The following CD163L1 variants were observed in gnomAD, a reference collection of about 807,000 sequenced individuals.
The protein encoded by CD163L1 is CD163 molecule like 1.
Under a neutral mutation model 165.4 loss-of-function variants are expected in CD163L1, and 124 were observed. The observed-to-expected ratio is 0.75, with a 90% CI of 0.65 to 0.87. The LOEUF (loss-of-function observed/expected upper bound fraction) is 0.87. Ranked by LOEUF, CD163L1 falls within the 40% of genes least tolerant of loss-of-function variation. The probability of loss-of-function intolerance (pLI) is 0.00; values close to 1 mark genes in which losing one functional copy is unlikely to be tolerated. For missense variants in CD163L1, 1,525 were observed against 1,799.9 expected (o/e 0.85, Z 2.76); for synonymous variants, 585 against 662.2 (o/e 0.88, Z 1.79).
intron 7 of CD163L1, among the ~76,000 whole-genome samples, chr12:7,397,452 G>A (rs1002671045): frequency 7.2e-5 from 11 of 152,308 alleles, no homozygotes; most frequent in Non-Finnish European, 1.5e-4. Flanking sequence ...CTGTCTAAGT[G>A]AGGGATTTAA....
intron 2 of CD163L1, among the ~76,000 whole-genome samples, chr12:7,437,692 CTG>C (rs1948757754): frequency 7.0e-6 from 1 of 142,600 alleles, no homozygotes; most frequent in East Asian, 2.0e-4. Context: ...TTTTTTGACA[CTG>C]TATATTTATT....
chr12:7,381,674 G>C (rs1183717120), intron 8 of CD163L1, among the ~76,000 whole-genome samples: 1 of 152,050 alleles, frequency 6.6e-6, no homozygotes, highest in African/African-American at 2.4e-5. Context: ...CTGACGTTTA[G>C]AGAGCTATAA....
chr12:7,415,735 G>A (rs372031551), intron 4 of CD163L1, among the ~76,000 whole-genome samples: 1 of 152,120 alleles, frequency 6.6e-6, no homozygotes, highest in Non-Finnish European at 1.5e-5. Flanking sequence ...CTTCATCCAC[G>A]TCCCTGCAAA....
intron 2 of CD163L1, among the ~76,000 whole-genome samples, chr12:7,437,143 T>TTA (rs989613792): frequency 2.6e-5 from 3 of 113,328 alleles, no homozygotes; most frequent in East Asian, 2.4e-4. Context: ...TTATTTATTA[T>TTA]TTTTATTATA....
At chr12:7,438,666 G>A (rs1948771952) in intron 2 of CD163L1, 2 of 541,482 alleles carry the variant, frequency 3.7e-6, no homozygotes, top group Non-Finnish European at 6.4e-6. Context: ...CTTCATTTAT[G>A]ACCGCCCATG....
At chr12:7,436,489 A>G (rs1202462355) in intron 2 of CD163L1, among the ~76,000 whole-genome samples, 1 of 152,216 alleles carries the variant, frequency 6.6e-6, no homozygotes, top group Non-Finnish European at 1.5e-5. Context: ...ATGTTAATTT[A>G]GCCCAGATGC....
At chr12:7,426,913 T>C (rs1948553251) in intron 4 of CD163L1, among the ~76,000 whole-genome samples, 1 of 152,162 alleles carries the variant, frequency 6.6e-6, no homozygotes, top group Non-Finnish European at 1.5e-5. Flanking sequence ...CCTGTGCTTA[T>C]ATCTGACAAA....
intron 1 of CD163L1, among the ~76,000 whole-genome samples, chr12:7,443,837 T>C (rs1203237145): frequency 2.0e-5 from 3 of 152,232 alleles, no homozygotes; most frequent in African/African-American, 4.8e-5. Flanking sequence ...TTCATATCCT[T>C]GTGTGACTTC....
chr12:7,434,624 C>A (rs1948690570), intron 2 of CD163L1, among the ~76,000 whole-genome samples: 1 of 149,258 alleles, frequency 6.7e-6, no homozygotes. Flanking sequence ...AGCAAGTGAG[C>A]CAAAGGGACA....
downstream of CD163L1, among the ~76,000 whole-genome samples, chr12:7,342,625 A>G (rs1290032735): frequency 6.6e-6 from 1 of 152,102 alleles, no homozygotes; most frequent in Non-Finnish European, 1.5e-5. Flanking sequence ...AATGTTCTAT[A>G]CAGGTTGCAT....
the CD163L1 span, chr12:7,323,559 T>C: frequency 6.2e-7 from 1 of 1,611,126 alleles, no homozygotes; most frequent in African/African-American, 1.3e-5. Context: ...TCTAAATATG[T>C]GGTATGAGGA....
At chr12:7,349,216 A>T (rs1946691874) in intron 4 of CD163L1, among the ~76,000 whole-genome samples, 1 of 152,114 alleles carries the variant, frequency 6.6e-6, no homozygotes, top group Non-Finnish European at 1.5e-5. Flanking sequence ...CATTTACTAA[A>T]CCCTTAATTA....
At chr12:7,333,251 C>T in the CD163L1 span, among the ~76,000 whole-genome samples, 144 of 152,268 alleles carry the variant, frequency 9.5e-4, no homozygotes, top group Non-Finnish European at 1.6e-3. Context: ...TAAAGCACTC[C>T]TCAGCAAATG....
At chr12:7,357,618 A>G (rs1946804961) in intron 18 of CD163L1, 132 bp from the exon 19 acceptor site, 2 of 566,604 alleles carry the variant, frequency 3.5e-6, no homozygotes, top group Admixed American at 3.1e-5. Context: ...ATAAATTAAG[A>G]GCACGCTTAG....
At chr12:7,365,671 A>G (rs1304322721) in intron 18 of CD163L1, among the ~76,000 whole-genome samples, 4 of 152,144 alleles carry the variant, frequency 2.6e-5, no homozygotes, top group Non-Finnish European at 5.9e-5. Flanking sequence ...GCTCAACAAC[A>G]CTAATAATCA....
intron 18 of CD163L1, among the ~76,000 whole-genome samples, chr12:7,365,274 A>G (rs1946989718): frequency 1.3e-5 from 2 of 152,136 alleles, no homozygotes; most frequent in South Asian, 4.1e-4. Context: ...ATAAAAACAG[A>G]TTGAATAACT....
rs763669988 is a variant in CD163L1 at position 7,368,584 on chromosome 12, T to C, written c.4072+349A>G. ...ATTCTGTCACCCAGGCTGAGTGTACTGGCACGATCTCGGCTCACTGCAATC... is the reference window on the plus strand; with the variant it reads ...ATTCTGTCACCCAGGCTGAGTGTACCGGCACGATCTCGGCTCACTGCAATC... On this transcript the variant is annotated intron_variant, in intron 16 of 19. Transcript: ENST00000313599. The surrounding 1 kb of genome is among the most constrained non-coding windows in gnomAD (Gnocchi z 4.3). Among the ~76,000 whole-genome samples the C allele has an allele frequency of 8.6e-5, 13 of 151,298 alleles. No homozygotes were observed. In the East Asian group the frequency reaches 2.5e-3, roughly 29 times the overall value.
intron 2 of CD163L1, among the ~76,000 whole-genome samples, chr12:7,440,870 C>T (rs1157575525): frequency 6.6e-6 from 1 of 152,078 alleles, no homozygotes; most frequent in Admixed American, 6.5e-5. Context: ...CAGGTGATCT[C>T]CCCACCTTGG....
At chr12:7,409,009 A>G (rs1466393466) in intron 4 of CD163L1, among the ~76,000 whole-genome samples, 1 of 152,214 alleles carries the variant, frequency 6.6e-6, no homozygotes, top group African/African-American at 2.4e-5. Flanking sequence ...TTGCTATTGC[A>G]TGTGTATATG....
Sources: gnomAD v4.1 joint callset for allele counts (sites outside exome capture counted in the v4.1 genomes callset) on GRCh38, gnomAD v4.1.1 for gene constraint, Gnocchi (gnomAD v3.1) non-coding constraint, MANE v1.5 for transcripts, NCBI Gene and HGNC (gene_info 2026-07-23, HGNC 2026-07-21) for gene names.